Variants in IQCF3 observed in about 807,000 individuals in gnomAD.
IQCF3 encodes the protein IQ domain-containing protein F3.
Under a neutral mutation model 5.1 loss-of-function variants are expected in IQCF3, and 7 were observed. The observed-to-expected ratio is 1.36, with a 90% CI of 0.78 to 2.56. The LOEUF (loss-of-function observed/expected upper bound fraction) is 2.56, where lower values mean the gene tolerates loss of function less well. IQCF3 is among the 30% of genes most tolerant of loss of function. The pLI, the probability that IQCF3 is intolerant of heterozygous loss-of-function variation, is 0.00. For synonymous variants in IQCF3, 82 were observed against 72.8 expected, an observed-to-expected ratio of 1.13 and a Z score of -0.64; for missense variants, 189 against 196.5, an observed-to-expected ratio of 0.96 and a Z score of 0.23.
chr3:51,830,307 T>C lies in IQCF3; in HGVS notation c.67-96T>C. On this transcript the variant is annotated intron_variant, in intron 2 of 2. Transcript: ENST00000440739. This position sits in a 1 kb window ranked among gnomAD's most constrained non-coding sequence, Gnocchi z 4.1. ...ACAAACCCCACCCAGGTCTCCTGGG[T>C]CCTCAAAACCAGCAGGGAGAGGGCT... 7.1e-7 allele frequency: 1 copy of C among 1,416,066 alleles called. No homozygotes were observed. Among genetic ancestry groups the C allele is most frequent in the Non-Finnish European group, 9.5e-7 (1 of 1,050,720 alleles). The allele number at this position is 1,416,066 out of a possible 1,614,324, so 87.7% of individuals were successfully genotyped here.
upstream of IQCF3, among the ~76,000 whole-genome samples, chr3:51,828,400 CA>C (rs879121219): frequency 6.6e-6 from 1 of 152,180 alleles, no homozygotes; most frequent in Admixed American, 6.5e-5. Flanking sequence ...TGAATTTCAT[CA>C]AAAGCTTTTC....
Position 51,830,438 on chromosome 3 carries a change from G to A in IQCF3, c.102G>A (p.Val34=), listed in dbSNP as rs775341576. Residue 34 remains valine (V), a synonymous_variant, in exon 3 of 3, where the codon GTG becomes GTA. Coordinates refer to ENST00000440739, the MANE Select transcript of IQCF3 (RefSeq NM_001393887.1). This position sits in a 1 kb window ranked among gnomAD's most constrained non-coding sequence, Gnocchi z 4.1. ...LLAQLHHRKR[V]KAAGQIQAWW... ...CACAACTGCATCACAGAAAAAGGGT[G>A]AAGGCAGCTGGGCAGATCCAGGCCT... 2 of 1,567,836 alleles carry A rather than the reference G, an allele frequency of 1.3e-6. No homozygotes were observed. The highest frequency in any genetic ancestry group is 2.0e-5 in the Admixed American group (1 of 51,182).
In IQCF3 at chr3:51,830,414, A is replaced by G; in HGVS notation, c.78A>G (p.Ala26=). ...ERQRRQKLLL[A]QLHHRKRVKA... ...CTTTGCTTGGCCAGTTGCTTCTTGC[A>G]CAACTGCATCACAGAAAAAGGGTGA... Residue 26 remains alanine, a synonymous_variant, in exon 3 of 3, where the codon GCA becomes GCG. Transcript: ENST00000440739. This position sits in a 1 kb window ranked among gnomAD's most constrained non-coding sequence, Gnocchi z 4.1. 1 of 1,539,714 alleles carries G rather than the reference A, an allele frequency of 6.5e-7. No individual in the cohort carries two copies. Among genetic ancestry groups the G allele is most frequent in the African/African-American group, 1.4e-5 (1 of 72,480 alleles).
Position 51,829,700 on chromosome 3 carries a change from G to A in IQCF3, c.54G>A (p.Gln18=). ...GGPDEDAVER[Q]RRQKLLLAQL... ...CAGATGAAGATGCAGTAGAAAGACA[G>A]AGGCGGCAGAAGGTAGGTGGGGCCC... The change falls in exon 2 of 3, where the codon CAG becomes CAA. Residue 18 remains glutamine (Q), a synonymous_variant. Coordinates refer to ENST00000440739, the MANE Select transcript of IQCF3 (RefSeq NM_001393887.1). 1 of 1,613,850 alleles carries A rather than the reference G, an allele frequency of 6.2e-7. No homozygotes were observed. The highest frequency in any genetic ancestry group is 8.5e-7 in the Non-Finnish European group (1 of 1,179,838).
upstream of IQCF3, chr3:51,828,468 A>G (rs1458055489): frequency 6.6e-6 from 1 of 152,224 alleles, no homozygotes; most frequent in Admixed American, 6.5e-5. Context: ...TATGTGATTA[A>G]TCACATTTTA....
chr3:51,827,687 G>T (rs998952433), upstream of IQCF3, among the ~76,000 whole-genome samples: 21 of 151,832 alleles, frequency 1.4e-4, 1 homozygote, highest in Non-Finnish European at 1.5e-5. Flanking sequence ...TTAGGTTCAG[G>T]GGTATATGTG....
chr3:51,828,664 T>C (rs1371270764), upstream of IQCF3: 1 of 152,242 alleles, frequency 6.6e-6, no homozygotes, highest in Non-Finnish European at 1.5e-5. Context: ...ATCAGGATGA[T>C]GCTGGCCTCA....
intron 2 of IQCF3, 134 bp downstream of exon 2, chr3:51,829,846 T>A: frequency 1.2e-6 from 1 of 862,344 alleles, no homozygotes; most frequent in Non-Finnish European, 1.9e-6. Flanking sequence ...CTTGGTGAAC[T>A]GAGTAAGGTA....
At chr3:51,826,938 G>C (rs968568106), upstream of IQCF3, 4 of 152,570 alleles carry the variant, frequency 2.6e-5, no homozygotes, top group Non-Finnish European at 5.9e-5. Context: ...CAGTAAGTAG[G>C]AGAGTCCTCA....
At chr3:51,827,916 T>C (rs1347582536), upstream of IQCF3, among the ~76,000 whole-genome samples, 1 of 152,132 alleles carries the variant, frequency 6.6e-6, no homozygotes, top group Admixed American at 6.5e-5. Flanking sequence ...ATGTGGTACT[T>C]GGTTTCCTGT....
upstream of IQCF3, chr3:51,828,300 C>T (rs1349560287): frequency 1.3e-5 from 2 of 151,802 alleles, no homozygotes; most frequent in Non-Finnish European, 2.9e-5. Context: ...ATGATGTTGG[C>T]TGTGGGTTTG....
chr3:51,828,261 G>A (rs914976033), upstream of IQCF3: 3 of 152,072 alleles, frequency 2.0e-5, no homozygotes, highest in Non-Finnish European at 4.4e-5. Context: ...GTTTTCAAGC[G>A]GAATGCTTTC....
At chr3:51,829,556 CA>C in intron 1 of IQCF3, 63 bp downstream of exon 1, 1 of 1,590,158 alleles carries the variant, frequency 6.3e-7, no homozygotes, top group South Asian at 1.1e-5. Context: ...AGGAAAGCAC[CA>C]GGCCACTTCT....
At chr3:51,829,522 G>A (rs753754935) in intron 1 of IQCF3, 29 bp downstream of exon 1, 3 of 1,596,552 alleles carry the variant, frequency 1.9e-6, no homozygotes, top group Non-Finnish European at 2.6e-6. Flanking sequence ...AACTCCCCCA[G>A]GGGTGGGAGT....
At chr3:51,829,515 TC>T in intron 1 of IQCF3, 22 bp downstream of exon 1, 1 of 1,596,722 alleles carries the variant, frequency 6.3e-7, no homozygotes, top group Non-Finnish European at 8.5e-7. Context: ...GCACACAAAC[TC>T]CCCCAGGGGT....
upstream of IQCF3, among the ~76,000 whole-genome samples, chr3:51,827,973 GA>G (rs1577606827): frequency 6.6e-6 from 1 of 152,142 alleles, no homozygotes; most frequent in Non-Finnish European, 1.5e-5. Flanking sequence ...ACAGCCTGCA[GA>G]ACTGTGAGAC....
chr3:51,829,382 T>A, upstream of IQCF3: 1 of 1,439,676 alleles, frequency 6.9e-7, no homozygotes, highest in African/African-American at 1.4e-5. Flanking sequence ...CTTTGTGACA[T>A]CACGGCCATC....
Position 51,830,588 on chromosome 3 carries a change from G to A in IQCF3, c.252G>A (p.Arg84=), listed in dbSNP as rs754727725. 1 of 1,613,936 alleles carries A rather than the reference G, an allele frequency of 6.2e-7. No homozygotes were observed. The highest frequency in any genetic ancestry group is 1.7e-5 in the Admixed American group (1 of 60,022). Residue 84 remains arginine, a synonymous_variant, in exon 3 of 3, where the codon AGG becomes AGA. Transcript: ENST00000440739. This position sits in a 1 kb window ranked among gnomAD's most constrained non-coding sequence, Gnocchi z 4.1. ...GTCAGCGGCGGCAGGCCCTGTTGAG[G>A]GTCTACGTCATCCAGGAGCAGGCGA... ...RIRQRRQALL[R]VYVIQEQATV...
Position 51,829,817 on chromosome 3 carries a change from C to A in IQCF3, c.66+105C>A, listed in dbSNP as rs549710606. On this transcript the variant is annotated intron_variant, in intron 2 of 2. Coordinates refer to ENST00000440739, the MANE Select transcript of IQCF3 (RefSeq NM_001393887.1). Reference sequence around the variant, plus strand: ...TCTGGCTCAGCATTGCCCTCTTATCCCCTCAAGCCCTCCCTCTCCTTGGTG... The same window carrying A: ...TCTGGCTCAGCATTGCCCTCTTATCACCTCAAGCCCTCCCTCTCCTTGGTG... The A allele has an allele frequency of 2.0e-5, 22 of 1,084,970 alleles. No individual in the cohort carries two copies. The East Asian group carries it at 5.1e-4, about 25-fold the overall frequency. The allele number at this position is 1,084,970 out of a possible 1,614,324, so 67.2% of individuals were successfully genotyped here. A position where few individuals can be genotyped will look rare whatever the true frequency, so the allele number is the denominator to read the frequency against.
Sources: gnomAD v4.1 joint callset for allele counts (sites outside exome capture counted in the v4.1 genomes callset) on GRCh38, gnomAD v4.1.1 for gene constraint, Gnocchi (gnomAD v3.1) non-coding constraint, MANE v1.5 for transcripts, NCBI Gene and HGNC (gene_info 2026-07-23, HGNC 2026-07-21) for gene names.